Variants in ASH1L observed in about 807,000 individuals in gnomAD.
ASH1L encodes ASH1 like histone lysine methyltransferase, also known as histone-lysine N-methyltransferase ASH1L.
In ASH1L, 23 loss-of-function variants were observed where a neutral mutation model predicts 269.0. That is an observed-to-expected ratio of 0.09 (90% CI 0.06 to 0.12). ASH1L has a LOEUF of 0.12. Ranked by LOEUF, ASH1L falls within the 10% of genes least tolerant of loss-of-function variation. ASH1L has a pLI of 1.00. For missense variants in ASH1L, 2,912 were observed against 3,567.8 expected (o/e 0.82, Z 4.68); for synonymous variants, 1,187 against 1,253.5 (o/e 0.95, Z 1.12).
chr1:155,491,322 G>C (rs1666767896), intron 2 of ASH1L, among the ~76,000 whole-genome samples: 1 of 152,058 alleles, frequency 6.6e-6, no homozygotes, highest in South Asian at 2.1e-4. Context: ...GGCTGGTCTT[G>C]AACGCCTGGC....
At chr1:155,546,362 T>C (rs1488106981) in intron 1 of ASH1L, among the ~76,000 whole-genome samples, 1 of 151,272 alleles carries the variant, frequency 6.6e-6, no homozygotes, top group South Asian at 2.1e-4. Context: ...TGCATTACCA[T>C]AATGGTAAAG....
intron 1 of ASH1L, among the ~76,000 whole-genome samples, chr1:155,556,438 G>GTGTA (rs1671595328): frequency 7.8e-6 from 1 of 128,202 alleles, no homozygotes; most frequent in African/African-American, 2.7e-5. Context: ...GTGTGTGTGT[G>GTGTA]TATGTGTATA....
chr1:155,527,155 C>A (rs1324392809), intron 1 of ASH1L, among the ~76,000 whole-genome samples: 2 of 152,090 alleles, frequency 1.3e-5, no homozygotes, highest in African/African-American at 4.8e-5. Context: ...TTGCAGTGAG[C>A]CAAGATGGTG....
chr1:155,467,576 A>G (rs980678283), intron 3 of ASH1L, among the ~76,000 whole-genome samples: 1 of 152,184 alleles, frequency 6.6e-6, no homozygotes, highest in Non-Finnish European at 1.5e-5. Flanking sequence ...AAAAATGCTC[A>G]AAGTGATAAG....
At chr1:155,416,235 A>G (rs1031496645) in intron 5 of ASH1L, among the ~76,000 whole-genome samples, 2 of 151,864 alleles carry the variant, frequency 1.3e-5, no homozygotes, top group African/African-American at 4.8e-5. Flanking sequence ...GGTTCAAGCA[A>G]TTCTCCTGCC....
chr1:155,356,068 G>A (rs1654360734), intron 15 of ASH1L, among the ~76,000 whole-genome samples: 1 of 151,962 alleles, frequency 6.6e-6, no homozygotes, highest in South Asian at 2.1e-4. Context: ...CTCCTGAGTA[G>A]CTGAGATGAC....
intron 1 of ASH1L, among the ~76,000 whole-genome samples, chr1:155,527,861 T>G (rs907021900): frequency 6.6e-6 from 1 of 152,052 alleles, no homozygotes; most frequent in Non-Finnish European, 1.5e-5. Context: ...ACTCCTCTCT[T>G]GATTGTTCTT....
intron 2 of ASH1L, 127 bp from the exon 3 acceptor site, chr1:155,482,576 A>T: frequency 5.3e-6 from 5 of 943,764 alleles, no homozygotes; most frequent in Non-Finnish European, 8.0e-6. Flanking sequence ...GTTTTTAAAA[A>T]ACCTAATATT....
intron 2 of ASH1L, among the ~76,000 whole-genome samples, chr1:155,501,083 T>C (rs1667468724): frequency 6.6e-6 from 1 of 152,194 alleles, no homozygotes; most frequent in African/African-American, 2.4e-5. Flanking sequence ...TACCCCATAG[T>C]ATTAATAATA....
intron 10 of ASH1L, among the ~76,000 whole-genome samples, chr1:155,373,970 A>C (rs1656206573): frequency 6.6e-6 from 1 of 152,190 alleles, no homozygotes; most frequent in African/African-American, 2.4e-5. Flanking sequence ...GCCTGGCCTT[A>C]AGCATGACTA....
chr1:155,425,341 G>A (rs1270576345), intron 5 of ASH1L, among the ~76,000 whole-genome samples: 2 of 148,322 alleles, frequency 1.3e-5, no homozygotes, highest in Admixed American at 6.8e-5. Context: ...GCAGTGGCGC[G>A]ATCTCGGATC....
chr1:155,519,742 T>C (rs1485955607), intron 2 of ASH1L, among the ~76,000 whole-genome samples: 1 of 152,048 alleles, frequency 6.6e-6, no homozygotes, highest in African/African-American at 2.4e-5. Flanking sequence ...CACTGCAACC[T>C]CTGCCTCCTG....
intron 25 of ASH1L, among the ~76,000 whole-genome samples, chr1:155,339,645 GA>G (rs1391187370): frequency 6.6e-6 from 1 of 152,100 alleles, no homozygotes; most frequent in East Asian, 1.9e-4. Context: ...GTCATACGGG[GA>G]TATGTTCTGA....
chr1:155,442,668 C>T (rs1237164244), intron 4 of ASH1L, among the ~76,000 whole-genome samples: 1 of 150,876 alleles, frequency 6.6e-6, no homozygotes, highest in Non-Finnish European at 1.5e-5. Context: ...CTTAAAAAGG[C>T]TCTTACCACA....
intron 4 of ASH1L, chr1:155,440,457 G>A (rs1297521052): frequency 7.9e-6 from 3 of 378,036 alleles, no homozygotes; most frequent in African/African-American, 2.2e-5. Flanking sequence ...ATTTAACTGC[G>A]GAGGTCCTCA....
At chr1:155,423,875 G>A (rs942304010) in intron 5 of ASH1L, among the ~76,000 whole-genome samples, 4 of 151,854 alleles carry the variant, frequency 2.6e-5, no homozygotes, top group Admixed American at 6.6e-5. Flanking sequence ...GATTACAGGC[G>A]CCCGCCACCA....
rs188950407 is a variant in ASH1L at position 155,337,040 on chromosome 1, T to C, written c.*620A>G. On this transcript the variant is annotated 3_prime_UTR_variant, in exon 28 of 28. Coordinates refer to ENST00000392403, the MANE Select transcript of ASH1L (RefSeq NM_018489.3). Reference sequence around the variant, plus strand: ...GCCTTCCCTATCCCATGATTCCATTTTGGGGAGTAGAGGTAGGGAGGGGGC... The same window carrying C: ...GCCTTCCCTATCCCATGATTCCATTCTGGGGAGTAGAGGTAGGGAGGGGGC... The C allele has an allele frequency of 3.3e-5, 5 of 152,490 alleles. No homozygotes were observed. Among genetic ancestry groups the C allele is most frequent in the Admixed American group, 3.3e-4 (5 of 15,288 alleles). 9.4% of individuals were successfully genotyped at this position (152,490 alleles called of 1,614,324 possible).
At position 155,349,426 on chromosome 1, in the gene ASH1L, G is replaced by A. The variant is rs1488197847; in HGVS notation, c.7455C>T (p.Pro2485=). 7 of 1,614,072 alleles carry A rather than the reference G, an allele frequency of 4.3e-6. No homozygotes were observed. The South Asian group carries it at 6.6e-5, about 15-fold the overall frequency. Residue 2485 remains proline (P), a synonymous_variant, in exon 19 of 28, where the codon CCC becomes CCT. Transcript: ENST00000392403. ...NADYYEKISD[P]LDLITIEKQI... is the part of the protein sequence containing the mutation. ...GCTTCTCTATGGTGATAAGATCTAG[G>A]GGATCAGAGATCTTCTCATAATAAT...
At chr1:155,359,791 G>A (rs915834317) in intron 13 of ASH1L, among the ~76,000 whole-genome samples, 3 of 152,010 alleles carry the variant, frequency 2.0e-5, no homozygotes, top group Admixed American at 1.3e-4. Context: ...TTACCCAGGC[G>A]GGTCTTGAAC....
Sources: allele counts gnomAD v4.1 joint callset (sites outside exome capture counted in the v4.1 genomes callset), GRCh38; gene constraint gnomAD v4.1.1; transcripts MANE v1.5; gene names NCBI Gene and HGNC (gene_info 2026-07-23, HGNC 2026-07-21).